ZNF385B: variants seen among roughly 807,000 people sequenced by gnomAD.
ZNF385B encodes the protein zinc finger protein 533.
Under a neutral mutation model 39.2 loss-of-function variants are expected in ZNF385B, and 23 were observed. The ratio of observed to expected loss-of-function variants is 0.59; its 90% confidence interval spans 0.42 to 0.83. ZNF385B has a LOEUF of 0.83. Ranked by LOEUF, ZNF385B falls within the 40% of genes least tolerant of loss-of-function variation. The pLI is 0.00. For synonymous variants in ZNF385B, 205 were observed against 222.6 expected, an observed-to-expected ratio of 0.92 and a Z score of 0.70; for missense variants, 552 against 598.9, an observed-to-expected ratio of 0.92 and a Z score of 0.82.
intron 1 of ZNF385B, among the ~76,000 whole-genome samples, chr2:179,791,743 A>G (rs1208792586): frequency 6.6e-6 from 1 of 152,162 alleles, no homozygotes; most frequent in Non-Finnish European, 1.5e-5. Flanking sequence ...TTTGTTCTTA[A>G]TGAGTTATTT....
chr2:179,791,608 G>A (rs1156490973), intron 1 of ZNF385B, among the ~76,000 whole-genome samples: 10 of 152,168 alleles, frequency 6.6e-5, no homozygotes, highest in Admixed American at 6.5e-4. Context: ...AAAAACCTCA[G>A]CAATCAAGAT....
intron 6 of ZNF385B, among the ~76,000 whole-genome samples, chr2:179,475,078 C>T (rs2053253646): frequency 6.6e-6 from 1 of 152,082 alleles, no homozygotes; most frequent in Non-Finnish European, 1.5e-5. Context: ...AATATGGTAG[C>T]CACTAGCCTT....
At chr2:179,725,715 G>T (rs1700962906) in intron 3 of ZNF385B, among the ~76,000 whole-genome samples, 1 of 151,210 alleles carries the variant, frequency 6.6e-6, no homozygotes, top group African/African-American at 2.4e-5. Context: ...TATGCAAATT[G>T]TTTGAGAAAG....
At chr2:179,463,823 G>C (rs1458158794) in intron 6 of ZNF385B, among the ~76,000 whole-genome samples, 1 of 152,254 alleles carries the variant, frequency 6.6e-6, no homozygotes, top group East Asian at 1.9e-4. Flanking sequence ...ACGTGTGCAC[G>C]TGTCTTTATA....
intron 3 of ZNF385B, among the ~76,000 whole-genome samples, chr2:179,571,319 T>G (rs1315129053): frequency 1.3e-5 from 2 of 152,182 alleles, no homozygotes; most frequent in Non-Finnish European, 2.9e-5. Context: ...GCTGTAAAAA[T>G]AATGACAGTG....
chr2:179,831,974 AAT>A (rs1249680438), intron 1 of ZNF385B, among the ~76,000 whole-genome samples: 1 of 152,248 alleles, frequency 6.6e-6, no homozygotes, highest in Non-Finnish European at 1.5e-5. Flanking sequence ...GGCATGAACA[AAT>A]TATGATAGGG....
At chr2:179,856,425 T>A (rs1274869613) in intron 1 of ZNF385B, among the ~76,000 whole-genome samples, 1 of 151,968 alleles carries the variant, frequency 6.6e-6, no homozygotes, top group African/African-American at 2.4e-5. Flanking sequence ...ACGCCCTTCA[T>A]CTACAAGTGA....
chr2:179,786,523 G>T (rs1575489262), intron 1 of ZNF385B, among the ~76,000 whole-genome samples: 2 of 152,016 alleles, frequency 1.3e-5, no homozygotes, highest in Middle Eastern at 6.8e-3. Flanking sequence ...TGGGTTGTAG[G>T]GACCCTAGGA....
chr2:179,470,801 CT>C (rs1192525961), intron 6 of ZNF385B, among the ~76,000 whole-genome samples: 1 of 149,396 alleles, frequency 6.7e-6, no homozygotes, highest in Non-Finnish European at 1.5e-5. Flanking sequence ...TCTAGGACCC[CT>C]GTAAGCCTGC....
intron 3 of ZNF385B, among the ~76,000 whole-genome samples, chr2:179,762,307 A>G (rs2106490193): frequency 6.6e-6 from 1 of 152,232 alleles, no homozygotes; most frequent in South Asian, 2.1e-4. Flanking sequence ...CTCCTGCCTC[A>G]GCCTCCTGAG....
chr2:179,859,194 T>G (rs560317952), intron 1 of ZNF385B, among the ~76,000 whole-genome samples: 2 of 152,316 alleles, frequency 1.3e-5, no homozygotes, highest in East Asian at 1.9e-4. Context: ...TTGGCCATAT[T>G]TGGGTGACAG....
At chr2:179,725,369 C>A (rs1700936302) in intron 3 of ZNF385B, among the ~76,000 whole-genome samples, 2 of 151,722 alleles carry the variant, frequency 1.3e-5, no homozygotes, top group South Asian at 4.1e-4. Flanking sequence ...GTATAGTCAA[C>A]AAAAACAAGG....
chr2:179,568,377 A>G (rs1446727912), intron 3 of ZNF385B, among the ~76,000 whole-genome samples: 1 of 152,182 alleles, frequency 6.6e-6, no homozygotes, highest in Non-Finnish European at 1.5e-5. Context: ...CTAAAATATA[A>G]TCTCCACAGG....
Position 179,446,527 on chromosome 2 carries a change from G to C in ZNF385B, c.959C>G (p.Thr320Arg), listed in dbSNP as rs978371673. 3 of 1,613,066 alleles carry C rather than the reference G, an allele frequency of 1.9e-6. No homozygotes were observed. Among genetic ancestry groups the C allele is most frequent in the Admixed American group, 1.7e-5 (1 of 59,908 alleles). ...NSLSQLEAHN[T>R]GSKHKTMVEA... is the part of the protein sequence containing the mutation. Reference sequence around the variant, plus strand: ...AAATGCAAAAGATAGCTGCTAACCTGTGTTGTGTGCCTCTAGCTGTGACAG... The same window carrying C: ...AAATGCAAAAGATAGCTGCTAACCTCTGTTGTGTGCCTCTAGCTGTGACAG... The change falls in exon 7 of 10, where the codon ACA becomes AGA. Residue 320 changes from threonine (T) to arginine (R), a missense_variant and splice_region_variant. Transcript: ENST00000410066.
At chr2:179,606,419 T>C (rs954272167) in intron 3 of ZNF385B, among the ~76,000 whole-genome samples, 3 of 152,170 alleles carry the variant, frequency 2.0e-5, no homozygotes, top group African/African-American at 4.8e-5. Flanking sequence ...CATTAGACAT[T>C]TGGCAGTACA....
chr2:179,776,301 G>A (rs1464200143), intron 1 of ZNF385B, among the ~76,000 whole-genome samples: 1 of 152,162 alleles, frequency 6.6e-6, no homozygotes, highest in Non-Finnish European at 1.5e-5. Flanking sequence ...GACTGTCTCT[G>A]GGCCTGAGGG....
intron 6 of ZNF385B, among the ~76,000 whole-genome samples, chr2:179,453,827 T>C (rs1442374219): frequency 1.3e-5 from 2 of 152,170 alleles, no homozygotes; most frequent in Admixed American, 1.3e-4. Context: ...GGAAGGGTTG[T>C]AAGAGGTCAG....
chr2:179,758,942 G>A (rs367635135), intron 3 of ZNF385B, among the ~76,000 whole-genome samples: 18 of 152,210 alleles, frequency 1.2e-4, no homozygotes, highest in South Asian at 4.2e-4. Flanking sequence ...AGCTTCTGCC[G>A]ACCTTTCCAA....
chr2:179,689,827 T>G lies in ZNF385B; in HGVS notation c.298+79676A>C, dbSNP rs13420268. On this transcript the variant is annotated intron_variant, in intron 3 of 9. Coordinates refer to ENST00000410066, the MANE Select transcript of ZNF385B (RefSeq NM_152520.6). ...TGTGTGTGTGTGTGTGTGTGTGTGT[T>G]TATTTGTTTTTATCCCAGACTTTGG... is the stretch of plus-strand genomic sequence containing the variant. Among the ~76,000 whole-genome samples the G allele has an allele frequency of 2.0e-3, 83 of 42,506 alleles. 3 individuals carry two copies. Among genetic ancestry groups the G allele is most frequent in the South Asian group, 2.6e-3 (5 of 1,916 alleles). 27.9% of individuals were successfully genotyped at this position (42,506 alleles called of 152,430 possible).
Sources: allele counts gnomAD v4.1 joint callset (sites outside exome capture counted in the v4.1 genomes callset), GRCh38; gene constraint gnomAD v4.1.1; transcripts MANE v1.5; gene names NCBI Gene and HGNC (gene_info 2026-07-23, HGNC 2026-07-21).